Variants in TTLL13 observed in about 807,000 individuals in gnomAD.
TTLL13 encodes the protein tubulin polyglutamylase TTLL13.
chr15:90,250,905 C>T, the TTLL13 span: 1 of 1,611,062 alleles, frequency 6.2e-7, no homozygotes, highest in Non-Finnish European at 8.5e-7. Flanking sequence ...TTCCCTAGAT[C>T]CCCTCAACTG....
chr15:90,256,184 A>T, the TTLL13 span: 1 of 1,614,174 alleles, frequency 6.2e-7, no homozygotes, highest in Non-Finnish European at 8.5e-7. Context: ...AAAAGCCCGC[A>T]CATATATCTG....
the TTLL13 span, among the ~76,000 whole-genome samples, chr15:90,256,589 CTT>C: frequency 5.4e-4 from 19 of 34,902 alleles, 1 homozygote; most frequent in African/African-American, 1.9e-3. Flanking sequence ...TTCTTTCTTT[CTT>C]TCTTTCTTTC....
chr15:90,264,001 T>C, the TTLL13 span: 11 of 1,535,978 alleles, frequency 7.2e-6, 1 homozygote, highest in Middle Eastern at 3.3e-4. Context: ...CTGTTCATTG[T>C]CAATGAAGAA....
At chr15:90,258,357 G>A in the TTLL13 span, 5 of 1,133,516 alleles carry the variant, frequency 4.4e-6, no homozygotes, top group African/African-American at 3.1e-5. Flanking sequence ...CTCAGGTGGT[G>A]GAACACAGAA....
chr15:90,256,202 G>A, the TTLL13 span: 9 of 1,614,048 alleles, frequency 5.6e-6, no homozygotes, highest in African/African-American at 9.3e-5. Context: ...CTGCAAGCCA[G>A]ACAGTGGCTG....
At chr15:90,253,351 A>C in the TTLL13 span, 1 of 1,612,698 alleles carries the variant, frequency 6.2e-7, no homozygotes, top group Admixed American at 1.7e-5. Flanking sequence ...CGAGTCATGG[A>C]CATGAAGAGG....
chr15:90,265,447 C>A, the TTLL13 span: 8 of 1,333,710 alleles, frequency 6.0e-6, no homozygotes, highest in Admixed American at 1.1e-4. Flanking sequence ...GAAACGGAAT[C>A]CGTACTTTAA....
chr15:90,260,627 C>T, the TTLL13 span, among the ~76,000 whole-genome samples: 7 of 151,980 alleles, frequency 4.6e-5, no homozygotes, highest in Non-Finnish European at 7.4e-5. Flanking sequence ...CTGAGGTGGG[C>T]GGATCAGGAG....
chr15:90,253,623 G>A, the TTLL13 span, among the ~76,000 whole-genome samples: 3 of 152,200 alleles, frequency 2.0e-5, no homozygotes, highest in Non-Finnish European at 4.4e-5. Context: ...TGGCATCTGT[G>A]TGTAGCTGGC....
chr15:90,253,635 C>T, the TTLL13 span, among the ~76,000 whole-genome samples: 43,938 of 151,872 alleles, frequency 0.29, 7,176 homozygotes, highest in East Asian at 0.69. Context: ...GTAGCTGGCC[C>T]TCTCCAGGGT....
the TTLL13 span, chr15:90,249,918 G>C: frequency 2.0e-5 from 3 of 151,924 alleles, no homozygotes; most frequent in African/African-American, 7.3e-5. Flanking sequence ...GGCCAGCGTA[G>C]GGGGCTTTTG....
the TTLL13 span, chr15:90,262,037 A>G: frequency 6.5e-7 from 1 of 1,535,588 alleles, no homozygotes; most frequent in South Asian, 1.2e-5. Context: ...CCATGTGGCA[A>G]TGCTGGACCA....
the TTLL13 span, among the ~76,000 whole-genome samples, chr15:90,251,969 A>G: frequency 1.1e-4 from 16 of 151,472 alleles, no homozygotes; most frequent in Non-Finnish European, 2.1e-4. Flanking sequence ...TGAACTCCCG[A>G]GCTCAAGCCG....
chr15:90,250,478 G>C, the TTLL13 span: 2 of 875,818 alleles, frequency 2.3e-6, no homozygotes, highest in Non-Finnish European at 3.4e-6. Flanking sequence ...ATTCCTCAGT[G>C]AAACAGTTTT....
chr15:90,256,552 T>TCTTTCTCTTTCTTTCTTC, the TTLL13 span, among the ~76,000 whole-genome samples: 1 of 26,508 alleles, frequency 3.8e-5, no homozygotes, highest in African/African-American at 1.8e-4. Flanking sequence ...CCTTTTTCTT[T>TCTTTCTCTTTCTTTCTTC]CTTTCTTTCT....
the TTLL13 span, among the ~76,000 whole-genome samples, chr15:90,252,072 T>C: frequency 7.8e-6 from 1 of 127,422 alleles, no homozygotes; most frequent in East Asian, 3.5e-4. Context: ...CGAGTTTTGC[T>C]CTTGTTGCCC....
At chr15:90,258,319 T>G in the TTLL13 span, 1 of 1,491,354 alleles carries the variant, frequency 6.7e-7, no homozygotes, top group Non-Finnish European at 9.3e-7. Context: ...GAGGCCTCCT[T>G]GAATAGGACA....
At chr15:90,256,543 CTTTTTCT>C in the TTLL13 span, among the ~76,000 whole-genome samples, 3 of 141,100 alleles carry the variant, frequency 2.1e-5, no homozygotes, top group African/African-American at 7.8e-5. Context: ...TGTCTCCTTC[CTTTTTCT>C]TTCTTTCTTT....
chr15:90,250,533 G>C, the TTLL13 span: 1 of 1,442,792 alleles, frequency 6.9e-7, no homozygotes, highest in Non-Finnish European at 9.3e-7. Context: ...CATGAAGGTC[G>C]TTCTGGTGGA....
Sources: allele counts gnomAD v4.1 joint callset (sites outside exome capture counted in the v4.1 genomes callset), GRCh38; gene constraint gnomAD v4.1.1; transcripts MANE v1.5; gene names NCBI Gene and HGNC (gene_info 2026-07-23, HGNC 2026-07-21).